Variants in ARL13A observed in about 807,000 individuals in gnomAD.
ARL13A encodes ARF like GTPase 13A, also known as ADP-ribosylation factor-like protein 13A.
A neutral mutation model predicts 19.1 loss-of-function variants in ARL13A; 16 were observed. The observed-to-expected ratio is 0.84, with a 90% CI of 0.57 to 1.27. The LOEUF (loss-of-function observed/expected upper bound fraction) is 1.27, where lower values mean the gene tolerates loss of function less well. Ranked by LOEUF, ARL13A falls within the 50% of genes most tolerant of loss-of-function variation. The pLI is 0.00. For missense variants in ARL13A, 153 were observed against 186.4 expected (o/e 0.82, Z 1.04); for synonymous variants, 69 against 71.3 (o/e 0.97, Z 0.17).
At chrX:100,977,850 T>C (rs1039632721) in intron 3 of ARL13A, among the ~76,000 whole-genome samples, 3 of 112,594 alleles carry the variant, frequency 2.7e-5, no homozygotes, top group African/African-American at 6.5e-5. Flanking sequence ...TCTTTTTTTA[T>C]GGCTAAATAG....
At position 100,988,203 on chromosome X, in the gene ARL13A, A is replaced by G; in HGVS notation, c.664A>G (p.Arg222Gly). The change falls in exon 7 of 8, where the codon AGA becomes GGA. Residue 222 changes from arginine to glycine, a missense_variant. Transcript: ENST00000450049. ...TCCATCTTCCACCAGCTTCTCCACC[A>G]GAACAGGAATGTCAAAGGAGAAAAG... ...ERCSSHSFST[R>G]TGMSKEKRQH... 8.3e-7 allele frequency: 1 copy of G among 1,207,267 alleles called. No homozygotes were observed.
intron 3 of ARL13A, among the ~76,000 whole-genome samples, chrX:100,979,261 C>A (rs1386342343): frequency 8.9e-6 from 1 of 111,767 alleles, no homozygotes. Context: ...TCATTAACAT[C>A]CTTTTCTTTC....
At chrX:100,980,810 T>C (rs2085841549) in intron 3 of ARL13A, among the ~76,000 whole-genome samples, 1 of 111,248 alleles carries the variant, frequency 9.0e-6, no homozygotes, top group African/African-American at 3.3e-5. Context: ...CAGGTGGTGG[T>C]GAATCCTGTC....
chrX:100,973,558 A>G, intron 1 of ARL13A, 118 bp from the exon 2 acceptor site: 1 of 928,933 alleles, frequency 1.1e-6, no homozygotes, highest in Non-Finnish European at 1.5e-6. Context: ...GAAGTAATAG[A>G]CTTCTAACAA....
At chrX:100,987,666 A>G in intron 6 of ARL13A, 110 bp downstream of exon 6, 1 of 886,640 alleles carries the variant, frequency 1.1e-6, no homozygotes, top group African/African-American at 2.0e-5. Flanking sequence ...GCATTGAGCA[A>G]GTCTCTTGAT....
intron 7 of ARL13A, among the ~76,000 whole-genome samples, chrX:100,989,737 C>G (rs2085994304): frequency 8.9e-6 from 1 of 112,382 alleles, no homozygotes. Flanking sequence ...TCCTTAGCAC[C>G]TCAGTCTCCA....
chrX:100,976,703 C>G (rs2085768102), intron 3 of ARL13A, among the ~76,000 whole-genome samples: 1 of 112,507 alleles, frequency 8.9e-6, no homozygotes, highest in African/African-American at 3.2e-5. Flanking sequence ...ACCTCAGCCT[C>G]CTGGATTCAA....
chrX:100,988,851 C>CATATATATATATATATATAT (rs55947893), intron 7 of ARL13A, among the ~76,000 whole-genome samples: 4 of 79,688 alleles, frequency 5.0e-5, no homozygotes. Context: ...TAATATATCT[C>CATATATATATATATATATAT]ATATATATAT....
chrX:100,987,459 C>G lies in ARL13A; in HGVS notation c.556C>G (p.Leu186Val), dbSNP rs1314296666. The change falls in exon 6 of 8, where the codon CTA (leucine) becomes GTA (valine). Residue 186 changes from leucine (L) to valine (V), a missense_variant. Leu to Val is a conservative substitution (Grantham distance 32). Coordinates refer to ENST00000450049, the MANE Select transcript of ARL13A (RefSeq NM_001162491.2). ...GCCCATAGTTGAAGGACTGCGCTGG[C>G]TATTAGCTGTCATTGATACTTGCCA... ...HQPIVEGLRW[L>V]LAVIDTCQLP... 1 of 1,209,263 alleles carries G rather than the reference C, an allele frequency of 8.3e-7. No individual in the cohort carries two copies. The highest frequency in any genetic ancestry group is 1.1e-6 in the Non-Finnish European group (1 of 894,821).
chrX:100,990,712 G>A lies in ARL13A; in HGVS notation c.*124G>A. 1.4e-6 allele frequency: 1 copy of A among 697,939 alleles called. No individual in the cohort carries two copies. Among genetic ancestry groups the A allele is most frequent in the Non-Finnish European group, 2.2e-6 (1 of 463,180 alleles). 57.5% of individuals were successfully genotyped at this position (697,939 alleles called of 1,213,427 possible). On this transcript the variant is annotated 3_prime_UTR_variant, in exon 8 of 8. Coordinates refer to ENST00000450049, the MANE Select transcript of ARL13A (RefSeq NM_001162491.2). ...AAAGCTTGTGGACAATAAGTCATGG[G>A]TGATCAACCAAAACTGAGCCTTAGA...
intron 7 of ARL13A, among the ~76,000 whole-genome samples, chrX:100,989,038 C>T (rs1365523340): frequency 9.2e-6 from 1 of 108,986 alleles, no homozygotes; most frequent in Non-Finnish European, 1.9e-5. Flanking sequence ...CCTATATGTC[C>T]AACAATGGAG....
At chrX:100,974,656 C>T (rs1410418745) in intron 3 of ARL13A, among the ~76,000 whole-genome samples, 1 of 111,680 alleles carries the variant, frequency 9.0e-6, no homozygotes, top group African/African-American at 3.3e-5. Context: ...AATTCTGTGA[C>T]AGCTAATATA....
intron 3 of ARL13A, among the ~76,000 whole-genome samples, chrX:100,980,643 T>G (rs750498678): frequency 9.9e-5 from 11 of 111,568 alleles, no homozygotes; most frequent in Non-Finnish European, 1.9e-4. Context: ...TCTCTCTCCT[T>G]TCCTCAAGCA....
At chrX:100,975,230 C>G (rs1377301302) in intron 3 of ARL13A, among the ~76,000 whole-genome samples, 3 of 111,865 alleles carry the variant, frequency 2.7e-5, no homozygotes, top group Non-Finnish European at 5.6e-5. Flanking sequence ...TCTGATACAG[C>G]CACAACAAAT....
chrX:100,977,369 C>CTTT (rs59915769), intron 3 of ARL13A, among the ~76,000 whole-genome samples: 20 of 56,455 alleles, frequency 3.5e-4, no homozygotes, highest in African/African-American at 7.9e-4. Context: ...CTACTCTCTT[C>CTTT]TTTTTTTTTT....
chrX:100,976,202 G>T (rs1212422897), intron 3 of ARL13A, among the ~76,000 whole-genome samples: 1 of 109,587 alleles, frequency 9.1e-6, no homozygotes, highest in African/African-American at 3.3e-5. Flanking sequence ...ATTCCCTTTA[G>T]TCTCGGTGGG....
chrX:100,990,467 CATTTGATAATATTT>C, intron 7 of ARL13A, 81 bp from the exon 8 acceptor site: 3 of 986,195 alleles, frequency 3.0e-6, no homozygotes, highest in Non-Finnish European at 3.8e-6. Context: ...TTTAAATTTC[CATTTGATAATATTT>C]CTACACTCCC....
Position 100,973,723 on chromosome X carries a change from C to G in ARL13A, c.34C>G (p.Leu12Val). 1 of 1,211,139 alleles carries G rather than the reference C, an allele frequency of 8.3e-7. No homozygotes were observed. Among genetic ancestry groups the G allele is most frequent in the Non-Finnish European group, 1.1e-6 (1 of 894,924 alleles). Residue 12 changes from leucine to valine, a missense_variant, in exon 2 of 8, where the codon CTA (leucine) becomes GTA (valine). Physicochemically the swap from Leu to Val is conservative, Grantham distance 32. Coordinates refer to ENST00000450049, the MANE Select transcript of ARL13A (RefSeq NM_001162491.2). ...GCTTTTGTCCTCCTGCTGCTCTTGC[C>G]TAAGGACAACAGAAGAGACACGAAG... ...FRLLSSCCSC[L>V]RTTEETRRNV...
intron 4 of ARL13A, among the ~76,000 whole-genome samples, chrX:100,986,446 A>G (rs2147974978): frequency 8.9e-6 from 1 of 112,093 alleles, no homozygotes; most frequent in South Asian, 3.8e-4. Flanking sequence ...AGCAACCCCA[A>G]CTAGAGCATG....
Sources: allele counts gnomAD v4.1 joint callset (sites outside exome capture counted in the v4.1 genomes callset), GRCh38; gene constraint gnomAD v4.1.1; transcripts MANE v1.5; gene names NCBI Gene and HGNC (gene_info 2026-07-23, HGNC 2026-07-21).